Variants in GRM7 observed in about 807,000 individuals in gnomAD.
GRM7 encodes the protein glutamate metabotropic receptor 7.
Under a neutral mutation model 84.5 loss-of-function variants are expected in GRM7, and 35 were observed. The ratio of observed to expected loss-of-function variants is 0.41; its 90% confidence interval spans 0.32 to 0.55. The LOEUF (loss-of-function observed/expected upper bound fraction) is 0.55. GRM7 is among the 20% of genes least tolerant of loss of function. The pLI is 0.19. For synonymous variants in GRM7, 487 were observed against 455.1 expected, an observed-to-expected ratio of 1.07 and a Z score of -0.89; for missense variants, 1,003 against 1,194.6, an observed-to-expected ratio of 0.84 and a Z score of 2.36.
At chr3:6,932,815 C>T (rs1259035345) in intron 1 of GRM7, among the ~76,000 whole-genome samples, 3 of 138,954 alleles carry the variant, frequency 2.2e-5, no homozygotes, top group Admixed American at 7.8e-5. Context: ...AGTGCAATGG[C>T]GCGATCTCGG....
At chr3:7,468,268 T>C (rs1698543417) in intron 7 of GRM7, among the ~76,000 whole-genome samples, 1 of 152,230 alleles carries the variant, frequency 6.6e-6, no homozygotes, top group Non-Finnish European at 1.5e-5. Context: ...CAGCTTCAAC[T>C]TGAAGGCTTC....
chr3:7,040,982 C>A (rs373923143), intron 1 of GRM7, among the ~76,000 whole-genome samples: 1 of 150,678 alleles, frequency 6.6e-6, no homozygotes, highest in Non-Finnish European at 1.5e-5. Flanking sequence ...ACTCAAGAGG[C>A]TGAGGTGGGA....
At chr3:7,330,918 C>A (rs909345441) in intron 4 of GRM7, among the ~76,000 whole-genome samples, 12 of 152,060 alleles carry the variant, frequency 7.9e-5, no homozygotes, top group Non-Finnish European at 1.8e-4. Flanking sequence ...TGATTTATTC[C>A]AATTACCTTA....
chr3:7,714,682 C>A (rs1701711622), intron 9 of GRM7, among the ~76,000 whole-genome samples: 1 of 152,192 alleles, frequency 6.6e-6, no homozygotes, highest in Admixed American at 6.5e-5. Context: ...TATATCTACT[C>A]AGCAGCCTGG....
At chr3:7,419,403 T>G (rs1696305532) in intron 5 of GRM7, among the ~76,000 whole-genome samples, 1 of 152,072 alleles carries the variant, frequency 6.6e-6, no homozygotes, top group South Asian at 2.1e-4. Context: ...TATCCCAAAG[T>G]TTTCTCATTT....
rs754553884 is a variant in GRM7, at chr3:7,151,676, T to G, written c.736+5008T>G. Among the ~76,000 whole-genome samples, 1 of 152,186 alleles carries G rather than the reference T, an allele frequency of 6.6e-6. No homozygotes were observed. The highest frequency in any genetic ancestry group is 2.4e-5 in the African/African-American group (1 of 41,456). On this transcript the variant is annotated intron_variant, in intron 2 of 9. Coordinates refer to ENST00000357716, the MANE Select transcript of GRM7 (RefSeq NM_000844.4). The surrounding 1 kb of genome is among the most constrained non-coding windows in gnomAD (Gnocchi z 4.5). ...TATTTCTTAACAGAAGGAAGAATTGTGTTTTTCCCCTTTGCCCTTTAGGAA... is the reference window on the plus strand; with the variant it reads ...TATTTCTTAACAGAAGGAAGAATTGGGTTTTTCCCCTTTGCCCTTTAGGAA...
chr3:7,040,300 T>C (rs1462077411), intron 1 of GRM7, among the ~76,000 whole-genome samples: 1 of 148,118 alleles, frequency 6.8e-6, no homozygotes, highest in Non-Finnish European at 1.5e-5. Flanking sequence ...TGTCTGTCTC[T>C]GTAAACTCTT....
intron 1 of GRM7, among the ~76,000 whole-genome samples, chr3:6,990,977 G>A (rs1487676034): frequency 6.6e-6 from 1 of 152,094 alleles, no homozygotes; most frequent in Non-Finnish European, 1.5e-5. Context: ...GCAAAGATAG[G>A]AGAATTGCTT....
At chr3:7,425,077 G>C (rs1696550973) in intron 5 of GRM7, among the ~76,000 whole-genome samples, 1 of 152,104 alleles carries the variant, frequency 6.6e-6, no homozygotes, top group African/African-American at 2.4e-5. Context: ...AACACAAATA[G>C]ATACTTTCTC....
At chr3:7,716,019 C>A (rs1701760477) in intron 9 of GRM7, among the ~76,000 whole-genome samples, 1 of 152,148 alleles carries the variant, frequency 6.6e-6, no homozygotes, top group Admixed American at 6.5e-5. Flanking sequence ...TCCTTACCAG[C>A]CTCCTCTCCT....
intron 1 of GRM7, among the ~76,000 whole-genome samples, chr3:7,104,316 G>A (rs1699227920): frequency 6.6e-6 from 1 of 151,636 alleles, no homozygotes; most frequent in Non-Finnish European, 1.5e-5. Flanking sequence ...GGCCTTAACA[G>A]AACATGACCA....
intron 1 of GRM7, among the ~76,000 whole-genome samples, chr3:7,011,884 A>T (rs780215631): frequency 6.6e-6 from 1 of 152,202 alleles, no homozygotes; most frequent in Non-Finnish European, 1.5e-5. Flanking sequence ...AAGCCTTAGG[A>T]AATAGCAAAT....
chr3:7,550,042 C>T (rs1207336458), intron 7 of GRM7, among the ~76,000 whole-genome samples: 1 of 152,094 alleles, frequency 6.6e-6, no homozygotes, highest in South Asian at 2.1e-4. Flanking sequence ...CCACCATCAT[C>T]CTCCCCCTCT....
At chr3:6,920,630 TA>T (rs1278549370) in intron 1 of GRM7, among the ~76,000 whole-genome samples, 1 of 152,096 alleles carries the variant, frequency 6.6e-6, no homozygotes, top group Non-Finnish European at 1.5e-5. Flanking sequence ...CAAGTCAAAT[TA>T]GTTAAGTGTC....
At chr3:7,536,362 T>A (rs1701243506) in intron 7 of GRM7, among the ~76,000 whole-genome samples, 1 of 152,166 alleles carries the variant, frequency 6.6e-6, no homozygotes, top group African/African-American at 2.4e-5. Flanking sequence ...AACTTGGAAT[T>A]GTCTCAGCAA....
At chr3:6,915,695 T>G (rs17692939) in intron 1 of GRM7, among the ~76,000 whole-genome samples, 39,164 of 152,104 alleles carry the variant, frequency 0.26, 5,326 homozygotes, top group African/African-American at 0.32. Context: ...GCTTAGGTGA[T>G]GCTGACCAAA....
At chr3:7,526,088 G>T (rs149556630) in intron 7 of GRM7, among the ~76,000 whole-genome samples, 1 of 152,118 alleles carries the variant, frequency 6.6e-6, no homozygotes, top group African/African-American at 2.4e-5. Flanking sequence ...TGGGTTGAAT[G>T]GTAATTCTAT....
chr3:7,669,556 G>C (rs1332333158), intron 8 of GRM7, among the ~76,000 whole-genome samples: 1 of 152,194 alleles, frequency 6.6e-6, no homozygotes, highest in Non-Finnish European at 1.5e-5. Flanking sequence ...AAGAAGAAAA[G>C]AATGAGACCT....
At chr3:7,139,335 C>T (rs1009353037) in intron 1 of GRM7, among the ~76,000 whole-genome samples, 1 of 151,604 alleles carries the variant, frequency 6.6e-6, no homozygotes, top group Non-Finnish European at 1.5e-5. Context: ...AACACAGCAA[C>T]ACACAGCATT....
Sources: gnomAD v4.1 joint callset for allele counts (sites outside exome capture counted in the v4.1 genomes callset) on GRCh38, gnomAD v4.1.1 for gene constraint, Gnocchi (gnomAD v3.1) non-coding constraint, MANE v1.5 for transcripts, NCBI Gene and HGNC (gene_info 2026-07-23, HGNC 2026-07-21) for gene names.